The following NFIA variants were observed in gnomAD, a reference collection of about 807,000 sequenced individuals.
The protein encoded by NFIA is nuclear factor I A.
NFIA carries 8 observed loss-of-function variants against 62.8 expected under a neutral mutation model. That is an observed-to-expected ratio of 0.13 (90% CI 0.07 to 0.23). The LOEUF (loss-of-function observed/expected upper bound fraction) is 0.23. Ranked by LOEUF, NFIA falls within the 10% of genes least tolerant of loss-of-function variation. The pLI is 1.00. For missense variants in NFIA, 410 were observed against 642.1 expected (o/e 0.64, Z 3.91); for synonymous variants, 235 against 238.1 (o/e 0.99, Z 0.12).
Position 61,455,915 on chromosome 1 carries a change from A to C in NFIA, c.*595A>C, listed in dbSNP as rs1447451409. ...AGTTTGTTTTGGTTCAGCAGTCAGC[A>C]GTTAAGTATATAACATGGCCCGCAA... On this transcript the variant is annotated 3_prime_UTR_variant, in exon 11 of 11. Coordinates refer to ENST00000403491, the MANE Select transcript of NFIA (RefSeq NM_001134673.4). 1 of 153,128 alleles carries C rather than the reference A, an allele frequency of 6.5e-6. No homozygotes were observed. The highest frequency in any genetic ancestry group is 1.9e-4 in the East Asian group (1 of 5,196). 9.5% of individuals were successfully genotyped at this position (153,128 alleles called of 1,614,324 possible).
At chr1:61,328,854 C>G (rs2100384358) in intron 3 of NFIA, among the ~76,000 whole-genome samples, 1 of 150,566 alleles carries the variant, frequency 6.6e-6, no homozygotes, top group East Asian at 2.0e-4. Flanking sequence ...TCCTGAATAG[C>G]TGGGATTACA....
At chr1:61,330,339 G>A (rs1259980626) in intron 3 of NFIA, among the ~76,000 whole-genome samples, 6 of 151,914 alleles carry the variant, frequency 3.9e-5, no homozygotes, top group Non-Finnish European at 7.4e-5. Context: ...AGTATACAGT[G>A]GTAAATTAAA....
chr1:61,377,786 C>T (rs1367873383), intron 6 of NFIA, among the ~76,000 whole-genome samples: 1 of 152,156 alleles, frequency 6.6e-6, no homozygotes, highest in Non-Finnish European at 1.5e-5. Flanking sequence ...CCTGCTGTCC[C>T]GAGCAGCACT....
intron 10 of NFIA, among the ~76,000 whole-genome samples, chr1:61,442,847 A>T (rs1020821892): frequency 2.6e-5 from 4 of 152,194 alleles, no homozygotes; most frequent in African/African-American, 9.7e-5. Flanking sequence ...GTAAGCCCAA[A>T]TTCCACCCAA....
chr1:61,143,440 A>G (rs1348279506), intron 2 of NFIA, among the ~76,000 whole-genome samples: 1 of 152,000 alleles, frequency 6.6e-6, no homozygotes, highest in Non-Finnish European at 1.5e-5. Flanking sequence ...CCCAGGCTGG[A>G]GTATAGTGGT....
intron 2 of NFIA, among the ~76,000 whole-genome samples, chr1:61,126,773 A>AT (rs1227320129): frequency 1.7e-5 from 2 of 119,910 alleles, no homozygotes; most frequent in Non-Finnish European, 3.2e-5. Flanking sequence ...CTATTGTCAG[A>AT]TTCCTTTTTT....
At chr1:61,324,264 A>T (rs1013469686) in intron 3 of NFIA, among the ~76,000 whole-genome samples, 3 of 152,214 alleles carry the variant, frequency 2.0e-5, no homozygotes, top group African/African-American at 7.2e-5. Context: ...ATCCTTCTGG[A>T]ATATAAACAG....
chr1:61,127,385 A>T (rs1230341083), intron 2 of NFIA, among the ~76,000 whole-genome samples: 1 of 151,174 alleles, frequency 6.6e-6, no homozygotes, highest in Non-Finnish European at 1.5e-5. Context: ...TGAACCCGGG[A>T]GGTGGAGGTT....
chr1:61,337,971 C>T (rs1661701639), intron 4 of NFIA, among the ~76,000 whole-genome samples: 1 of 152,160 alleles, frequency 6.6e-6, no homozygotes, highest in Non-Finnish European at 1.5e-5. Context: ...GGTGGAGTGA[C>T]TTCGAAACCC....
At chr1:61,337,810 T>A (rs566390530) in intron 4 of NFIA, among the ~76,000 whole-genome samples, 1 of 152,334 alleles carries the variant, frequency 6.6e-6, no homozygotes, top group Admixed American at 6.5e-5. Flanking sequence ...GCACCCACTC[T>A]TTTGTTTATT....
At chr1:61,156,916 A>G (rs142312221) in intron 2 of NFIA, among the ~76,000 whole-genome samples, 6 of 152,344 alleles carry the variant, frequency 3.9e-5, no homozygotes, top group African/African-American at 1.2e-4. Context: ...CTGGGGTTGG[A>G]GTTCTTAATG....
intron 2 of NFIA, among the ~76,000 whole-genome samples, chr1:61,154,848 A>G (rs1193747123): frequency 6.6e-6 from 1 of 152,254 alleles, no homozygotes; most frequent in Non-Finnish European, 1.5e-5. Flanking sequence ...TATGACTGTT[A>G]AAGCAGTCCA....
intron 2 of NFIA, among the ~76,000 whole-genome samples, chr1:61,162,199 C>G (rs548531202): frequency 9.2e-5 from 14 of 152,146 alleles, no homozygotes; most frequent in African/African-American, 3.4e-4. Flanking sequence ...AGAAGCAGCC[C>G]CAGTTGGAAT....
intron 9 of NFIA, among the ~76,000 whole-genome samples, chr1:61,411,332 G>A (rs1393478066): frequency 1.3e-5 from 2 of 152,136 alleles, no homozygotes; most frequent in Admixed American, 6.5e-5. Flanking sequence ...GGAAGTGGGG[G>A]TGGGGCAAGA....
At position 61,416,629 on chromosome 1, in the gene NFIA, T is replaced by A. The variant is rs1666359743; in HGVS notation, c.1421-9836T>A. 3.9e-5 allele frequency among the ~76,000 whole-genome samples: 6 copies of A among 152,140 alleles called. No homozygotes were observed. In the South Asian group the frequency reaches 1.2e-3, roughly 32 times the overall value. ...TTTAGAGTATTTTAATTTTGTGTAG[T>A]CTAATATTTTGGTGTTTAAATTTTT... On this transcript the variant is annotated intron_variant, in intron 9 of 10. Transcript: ENST00000403491.
At position 61,293,514 on chromosome 1, in the gene NFIA, C is replaced by T. The variant is rs142549060; in HGVS notation, c.625+15929C>T. Among the ~76,000 whole-genome samples the T allele has an allele frequency of 1.1e-3, 173 of 152,324 alleles. 1 individual carries two copies. Among genetic ancestry groups the T allele is most frequent in the African/African-American group, 4.1e-3 (169 of 41,568 alleles). ...TGTTGAATTCTTGGATGGCCAGTCA[C>T]CCAGCGTGTTTCCCTTGGAATGAAG... On this transcript the variant is annotated intron_variant, in intron 3 of 10. Transcript: ENST00000403491.
chr1:61,079,073 C>T (rs555628225), upstream of NFIA, among the ~76,000 whole-genome samples: 5 of 152,306 alleles, frequency 3.3e-5, no homozygotes, highest in Admixed American at 6.5e-5. Context: ...GCCTTCCAGT[C>T]AAATCTGGCT....
intron 2 of NFIA, among the ~76,000 whole-genome samples, chr1:61,211,652 A>G (rs554537230): frequency 1.8e-3 from 271 of 152,276 alleles, no homozygotes; most frequent in African/African-American, 6.3e-3. Flanking sequence ...TTTCTCCCAC[A>G]TATTCCGTCA....
intron 2 of NFIA, among the ~76,000 whole-genome samples, chr1:61,146,360 A>C (rs574303524): frequency 2.5e-4 from 38 of 152,166 alleles, no homozygotes; most frequent in African/African-American, 8.4e-4. Context: ...TGTTCGGCCG[A>C]TCATACCTTG....
Sources: allele counts gnomAD v4.1 joint callset (sites outside exome capture counted in the v4.1 genomes callset), GRCh38; gene constraint gnomAD v4.1.1; transcripts MANE v1.5; gene names NCBI Gene and HGNC (gene_info 2026-07-23, HGNC 2026-07-21).